Variants in SYT12 observed in about 807,000 individuals in gnomAD.
SYT12 encodes synaptotagmin 12, also known as synaptotagmin-12.
A neutral mutation model predicts 39.5 loss-of-function variants in SYT12; 27 were observed. That is an observed-to-expected ratio of 0.68 (90% CI 0.50 to 0.94). The LOEUF is 0.94. Among genes scored for constraint, SYT12 ranks in the 40% least tolerant of loss-of-function variants. The pLI, the probability that SYT12 is intolerant of heterozygous loss-of-function variation, is 0.00. For missense variants in SYT12, 536 were observed against 572.6 expected (o/e 0.94, Z 0.65); for synonymous variants, 233 against 239.7 (o/e 0.97, Z 0.26).
At chr11:67,033,455 G>A (rs1007461939) in intron 2 of SYT12, among the ~76,000 whole-genome samples, 3 of 152,194 alleles carry the variant, frequency 2.0e-5, no homozygotes, top group Non-Finnish European at 2.9e-5. Flanking sequence ...CAGGATGGGT[G>A]CTCAATGGAT....
At chr11:67,030,049 C>T in intron 1 of SYT12, 73 bp from the exon 2 acceptor site, 1 of 1,448,170 alleles carries the variant, frequency 6.9e-7, no homozygotes, top group Non-Finnish European at 9.6e-7. Context: ...ACGTGGGTGC[C>T]AGGAGGCCAG....
intron 2 of SYT12, among the ~76,000 whole-genome samples, chr11:67,010,576 G>A (rs1950006442): frequency 6.6e-6 from 1 of 152,208 alleles, no homozygotes; most frequent in Non-Finnish European, 1.5e-5. Context: ...TTAACTGGCT[G>A]CCCAGTACCC....
At chr11:67,022,454 G>A (rs1416668730), upstream of SYT12, among the ~76,000 whole-genome samples, 3 of 152,116 alleles carry the variant, frequency 2.0e-5, no homozygotes, top group South Asian at 4.1e-4. Context: ...AGTGCAAGCC[G>A]TGCCTCACTG....
At chr11:67,041,877 A>T (rs1452261472) in intron 4 of SYT12, among the ~76,000 whole-genome samples, 1 of 152,308 alleles carries the variant, frequency 6.6e-6, no homozygotes, top group Middle Eastern at 3.4e-3. Context: ...AGAGGGGGGA[A>T]GGGTGGAGAA....
At chr11:67,021,230 C>A (rs1202932137), upstream of SYT12, among the ~76,000 whole-genome samples, 2 of 152,140 alleles carry the variant, frequency 1.3e-5, no homozygotes, top group African/African-American at 4.8e-5. Context: ...GGGTGTTCAA[C>A]ATGAAATTGA....
chr11:67,025,663 G>A (rs1002735449), intron 1 of SYT12, among the ~76,000 whole-genome samples: 2 of 152,152 alleles, frequency 1.3e-5, no homozygotes, highest in East Asian at 1.9e-4. Context: ...AAGGGGTCTC[G>A]GGGATAGTGA....
Position 67,049,977 on chromosome 11 carries a change from G to A in SYT12, c.*1220G>A, listed in dbSNP as rs1257956122. 1 of 152,270 alleles carries A rather than the reference G, an allele frequency of 6.6e-6. No individual in the cohort carries two copies. The highest frequency in any genetic ancestry group is 1.5e-5 in the Non-Finnish European group (1 of 68,082). The allele number at this position is 152,270 out of a possible 1,614,324, so 9.4% of individuals were successfully genotyped here. A position where few individuals can be genotyped will look rare whatever the true frequency, so the allele number is the denominator to read the frequency against. On this transcript the variant is annotated 3_prime_UTR_variant, in exon 8 of 8. Coordinates refer to ENST00000527043, the MANE Select transcript of SYT12 (RefSeq NM_177963.4). ...ATTCTGGGGCAAGTAGTTTCTTGCG[G>A]GTGAGTGTTCTCAGAGAAACTTACC... is the stretch of plus-strand genomic sequence containing the variant.
At chr11:67,037,465 C>T (rs1423380736) in intron 3 of SYT12, among the ~76,000 whole-genome samples, 1 of 151,884 alleles carries the variant, frequency 6.6e-6, no homozygotes, top group Non-Finnish European at 1.5e-5. Flanking sequence ...GATCCCAGCA[C>T]TTTGGGTAGC....
In SYT12 at chr11:67,039,809, A is replaced by G; in HGVS notation, c.229-2A>G. On this transcript the variant is annotated splice_acceptor_variant, in intron 3 of 7. Transcript: ENST00000527043. LOFTEE classifies it high-confidence loss of function. ...TCCCACGTCCCTCTTTCTCACCCCT[A>G]GAGAGTGCCTGCCTGGAATGCCCAG... 6.2e-7 allele frequency: 1 copy of G among 1,608,048 alleles called. No homozygotes were observed. Among genetic ancestry groups the G allele is most frequent in the Non-Finnish European group, 8.5e-7 (1 of 1,178,796 alleles).
chr11:67,027,286 G>A (rs1467250662), intron 1 of SYT12: 4 of 152,280 alleles, frequency 2.6e-5, no homozygotes, highest in African/African-American at 9.7e-5. Context: ...GGATCATTGA[G>A]GTCAGGAGTT....
upstream of SYT12, among the ~76,000 whole-genome samples, chr11:67,019,285 C>G (rs1235866280): frequency 2.0e-5 from 3 of 151,992 alleles, no homozygotes. Context: ...CCAGCCTGAT[C>G]AACATGGAGA....
At chr11:67,012,384 AAAT>A (rs1188205564) in intron 3 of SYT12, among the ~76,000 whole-genome samples, 3 of 151,878 alleles carry the variant, frequency 2.0e-5, no homozygotes, top group Non-Finnish European at 4.4e-5. Context: ...AAATTTTTAA[AAAT>A]AATAATAAAT....
At chr11:67,029,845 C>CCGTCT in intron 1 of SYT12, 1 of 371,442 alleles carries the variant, frequency 2.7e-6, no homozygotes, top group Non-Finnish European at 4.9e-6. Flanking sequence ...AAGAGAGACT[C>CCGTCT]CATCTGAAAA....
At chr11:67,045,566 A>G (rs1238608339) in intron 6 of SYT12, 178 bp from the exon 7 acceptor site, 2 of 887,232 alleles carry the variant, frequency 2.3e-6, no homozygotes, top group Non-Finnish European at 3.4e-6. Flanking sequence ...GTGCTGTGTG[A>G]GCCTCAGTTT....
intron 4 of SYT12, among the ~76,000 whole-genome samples, chr11:67,041,481 A>C (rs1293252320): frequency 6.6e-6 from 1 of 152,172 alleles, no homozygotes; most frequent in African/African-American, 2.4e-5. Context: ...AAAAATAATA[A>C]ATAAATAAAT....
At chr11:67,040,251 A>C in intron 4 of SYT12, 48 bp downstream of exon 4, 1 of 1,529,100 alleles carries the variant, frequency 6.5e-7, no homozygotes, top group African/African-American at 1.4e-5. Context: ...GGCTCACTAG[A>C]TGCCTCCCAG....
Position 67,035,834 on chromosome 11 carries a change from C to CT in SYT12, c.228+998dup, listed in dbSNP as rs1369690189. On this transcript the variant is annotated intron_variant, in intron 3 of 7. Transcript: ENST00000527043. ...CCTTCCTTCCTTCCTTCCTTCCTTC[C>CT]TTCCTTTCTTTCTTTCTTTCTTTCT... 1.0e-3 allele frequency among the ~76,000 whole-genome samples: 101 copies of CT among 98,970 alleles called. 1 individual carries two copies. The highest frequency in any genetic ancestry group is 9.0e-3 in the East Asian group (31 of 3,452). The allele number at this position is 98,970 out of a possible 152,430, so 64.9% of individuals were successfully genotyped here. A position where few individuals can be genotyped will look rare whatever the true frequency, so the allele number is the denominator to read the frequency against.
At chr11:67,044,155 A>G (rs1240875342) in intron 5 of SYT12, among the ~76,000 whole-genome samples, 1 of 152,244 alleles carries the variant, frequency 6.6e-6, no homozygotes, top group Non-Finnish European at 1.5e-5. Context: ...GATTTCAGAC[A>G]GACACCAAGC....
At chr11:67,019,667 AG>A (rs1198132886), upstream of SYT12, among the ~76,000 whole-genome samples, 1 of 151,902 alleles carries the variant, frequency 6.6e-6, no homozygotes, top group African/African-American at 2.4e-5. Flanking sequence ...GAGGCCGAGG[AG>A]GGGGGAATCA....
Sources: gnomAD v4.1 joint callset for allele counts (sites outside exome capture counted in the v4.1 genomes callset) on GRCh38, gnomAD v4.1.1 for gene constraint, MANE v1.5 for transcripts, NCBI Gene and HGNC (gene_info 2026-07-23, HGNC 2026-07-21) for gene names.